The following HTR2C variants were observed in gnomAD, a reference collection of about 807,000 sequenced individuals.
HTR2C encodes 5-hydroxytryptamine receptor 2C.
Under a neutral mutation model 21.0 loss-of-function variants are expected in HTR2C, and 5 were observed. The observed-to-expected ratio is 0.24, with a 90% CI of 0.12 to 0.50. HTR2C has a LOEUF of 0.50. HTR2C is among the 20% of genes least tolerant of loss of function. HTR2C has a pLI of 0.98. For missense variants in HTR2C, 271 were observed against 371.2 expected (o/e 0.73, Z 2.22); for synonymous variants, 150 against 145.3 (o/e 1.03, Z -0.23).
At chrX:114,723,206 C>G (rs1203476936) in intron 2 of HTR2C, among the ~76,000 whole-genome samples, 1 of 111,141 alleles carries the variant, frequency 9.0e-6, no homozygotes, top group Non-Finnish European at 1.9e-5. Flanking sequence ...TGTTATTGGT[C>G]TATTCAGAGA....
intron 4 of HTR2C, among the ~76,000 whole-genome samples, chrX:114,796,092 G>A (rs2070290671): frequency 9.0e-6 from 1 of 111,385 alleles, no homozygotes; most frequent in Admixed American, 9.6e-5. Flanking sequence ...CAAGATCTTA[G>A]GATACTTATT....
At chrX:114,661,131 C>T (rs1445398134) in intron 2 of HTR2C, among the ~76,000 whole-genome samples, 3 of 112,137 alleles carry the variant, frequency 2.7e-5, no homozygotes, top group South Asian at 3.7e-4. Flanking sequence ...TTCTTGCCTT[C>T]GGAAGTAGAG....
At chrX:114,824,389 A>G (rs1353678697) in intron 4 of HTR2C, among the ~76,000 whole-genome samples, 3 of 112,051 alleles carry the variant, frequency 2.7e-5, no homozygotes, top group Non-Finnish European at 5.6e-5. Context: ...TCAGAATAGA[A>G]ATAAGCCATT....
rs186550520 is a variant in HTR2C, at chrX:114,633,497, C to G, written c.-80+19616C>G. Among the ~76,000 whole-genome samples the G allele has an allele frequency of 4.3e-4, 48 of 111,481 alleles. No individual in the cohort carries two copies. The East Asian group carries it at 0.011, about 26-fold the overall frequency. ...TACTGTCAAGATAGCAAATTTCTAT[C>G]TGGAGCAGATGGTGTAACTGCCATT... On this transcript the variant is annotated intron_variant, in intron 2 of 5. Coordinates refer to ENST00000276198, the MANE Select transcript of HTR2C (RefSeq NM_000868.4).
chrX:114,773,791 A>C (rs895566466), intron 4 of HTR2C, among the ~76,000 whole-genome samples: 1 of 112,181 alleles, frequency 8.9e-6, no homozygotes, highest in African/African-American at 3.2e-5. Flanking sequence ...AATGCCTTTC[A>C]CTTTGTGCAC....
At chrX:114,615,058 T>G (rs781870736) in intron 2 of HTR2C, among the ~76,000 whole-genome samples, 8 of 111,789 alleles carry the variant, frequency 7.2e-5, no homozygotes, top group African/African-American at 2.3e-4. Flanking sequence ...CATTAATATA[T>G]ACGCATTAGA....
intron 4 of HTR2C, among the ~76,000 whole-genome samples, chrX:114,823,123 G>A (rs2070649135): frequency 8.9e-6 from 1 of 111,744 alleles, no homozygotes; most frequent in African/African-American, 3.3e-5. Context: ...GGTAATACAG[G>A]TTGACTAAAT....
chrX:114,692,344 A>G (rs1556415219), intron 2 of HTR2C, among the ~76,000 whole-genome samples: 3 of 112,022 alleles, frequency 2.7e-5, no homozygotes, highest in African/African-American at 9.7e-5. Flanking sequence ...ACAGTCAACG[A>G]CATGGACAAT....
chrX:114,765,411 C>G (rs782572986), intron 4 of HTR2C, among the ~76,000 whole-genome samples: 1 of 111,146 alleles, frequency 9.0e-6, no homozygotes, highest in Admixed American at 9.7e-5. Flanking sequence ...ACACAACCAA[C>G]ATATAAGTAT....
chrX:114,745,983 A>G (rs1331055773), intron 4 of HTR2C, among the ~76,000 whole-genome samples: 4 of 112,374 alleles, frequency 3.6e-5, no homozygotes, highest in Non-Finnish European at 5.6e-5. Flanking sequence ...TTGTAAGTCA[A>G]TGCATAAATG....
chrX:114,904,221 A>T (rs1556486010), intron 5 of HTR2C, among the ~76,000 whole-genome samples: 1 of 111,515 alleles, frequency 9.0e-6, no homozygotes, highest in African/African-American at 3.3e-5. Context: ...AATTGAAAAA[A>T]ATTATTAAAC....
intron 2 of HTR2C, among the ~76,000 whole-genome samples, chrX:114,720,983 G>C (rs1277503063): frequency 1.0e-5 from 1 of 96,374 alleles, no homozygotes; most frequent in Non-Finnish European, 2.1e-5. Flanking sequence ...ACATACGTGT[G>C]CGTGTGTCTT....
Position 114,710,081 on chromosome X carries a change from C to T in HTR2C, c.-79-16777C>T, listed in dbSNP as rs782043584. Among the ~76,000 whole-genome samples, 11 of 111,519 alleles carry T rather than the reference C, an allele frequency of 9.9e-5. No homozygotes were observed. The South Asian group carries it at 3.7e-3, about 38-fold the overall frequency. ...GCACTGACAAAAATTAACATTAGGACGTTGAATAAGTCATTTATCTCTTCT... is the reference window on the plus strand; with the variant it reads ...GCACTGACAAAAATTAACATTAGGATGTTGAATAAGTCATTTATCTCTTCT... On this transcript the variant is annotated intron_variant, in intron 2 of 5. Coordinates refer to ENST00000276198, the MANE Select transcript of HTR2C (RefSeq NM_000868.4).
intron 4 of HTR2C, among the ~76,000 whole-genome samples, chrX:114,840,021 C>A (rs1263617022): frequency 9.1e-6 from 1 of 109,997 alleles, no homozygotes; most frequent in Admixed American, 9.7e-5. Context: ...ACAAAAACAC[C>A]AATACTCTTT....
At chrX:114,828,000 G>T (rs782490624) in intron 4 of HTR2C, among the ~76,000 whole-genome samples, 1 of 109,995 alleles carries the variant, frequency 9.1e-6, no homozygotes. Context: ...CCCAAATGCG[G>T]CATGTTTTGG....
intron 2 of HTR2C, among the ~76,000 whole-genome samples, chrX:114,614,842 CA>C (rs1277288757): frequency 5.4e-5 from 6 of 111,580 alleles, no homozygotes; most frequent in African/African-American, 2.0e-4. Context: ...ACAAGTTAAA[CA>C]AGGTGAATTT....
intron 2 of HTR2C, among the ~76,000 whole-genome samples, chrX:114,717,917 C>G (rs896710668): frequency 1.3e-5 from 1 of 77,750 alleles, no homozygotes; most frequent in Non-Finnish European, 2.6e-5. Flanking sequence ...GAAAGTACAT[C>G]TATATGGCTC....
chrX:114,600,547 T>C (rs1218294790), intron 1 of HTR2C, among the ~76,000 whole-genome samples: 2 of 110,542 alleles, frequency 1.8e-5, no homozygotes, highest in African/African-American at 6.6e-5. Context: ...ATAATAATAA[T>C]TGGTAATGAA....
chrX:114,609,702 T>C (rs1220344164), intron 1 of HTR2C, among the ~76,000 whole-genome samples: 1 of 112,231 alleles, frequency 8.9e-6, no homozygotes, highest in Non-Finnish European at 1.9e-5. Flanking sequence ...CAAGGGGATA[T>C]GTATGTATGC....
Sources: allele counts gnomAD v4.1 joint callset (sites outside exome capture counted in the v4.1 genomes callset), GRCh38; gene constraint gnomAD v4.1.1; transcripts MANE v1.5; gene names NCBI Gene and HGNC (gene_info 2026-07-23, HGNC 2026-07-21).